The following IFT57 variants were observed in gnomAD, a reference collection of about 807,000 sequenced individuals.
The protein encoded by IFT57 is intraflagellar transport protein 57 homolog.
IFT57 carries 59 observed loss-of-function variants against 56.8 expected under a neutral mutation model. The observed-to-expected ratio is 1.04, with a 90% CI of 0.84 to 1.29. The LOEUF is 1.29. IFT57 is among the 50% of genes most tolerant of loss of function. The pLI, the probability that IFT57 is intolerant of heterozygous loss-of-function variation, is 0.00. For synonymous variants in IFT57, 209 were observed against 186.1 expected, an observed-to-expected ratio of 1.12 and a Z score of -1.00; for missense variants, 470 against 522.1, an observed-to-expected ratio of 0.90 and a Z score of 0.97.
chr3:108,170,478 C>T (rs1283245278), intron 6 of IFT57, among the ~76,000 whole-genome samples: 2 of 151,826 alleles, frequency 1.3e-5, no homozygotes, highest in East Asian at 3.9e-4. Flanking sequence ...AACTAAAAAC[C>T]ACTGCTCAAG....
At chr3:108,212,626 A>G (rs1194498061) in intron 4 of IFT57, among the ~76,000 whole-genome samples, 2 of 152,194 alleles carry the variant, frequency 1.3e-5, no homozygotes, top group Non-Finnish European at 1.5e-5. Flanking sequence ...ATTCCTTTAC[A>G]GCAACACAAA....
intron 4 of IFT57, among the ~76,000 whole-genome samples, chr3:108,213,505 A>G (rs906088775): frequency 6.6e-6 from 1 of 152,224 alleles, no homozygotes; most frequent in African/African-American, 2.4e-5. Flanking sequence ...ATTTAAAAGC[A>G]TTAAAAAATT....
At chr3:108,169,821 C>G (rs558902492) in intron 6 of IFT57, among the ~76,000 whole-genome samples, 1 of 152,038 alleles carries the variant, frequency 6.6e-6, no homozygotes, top group East Asian at 1.9e-4. Context: ...CAGTTTCAGC[C>G]CCAGGATGCA....
chr3:108,160,945 C>G lies in IFT57; in HGVS notation c.*1532G>C, dbSNP rs1485500511. 2 of 152,108 alleles carry G rather than the reference C, an allele frequency of 1.3e-5. No homozygotes were observed. The highest frequency in any genetic ancestry group is 2.4e-5 in the African/African-American group (1 of 41,422). 9.4% of individuals were successfully genotyped at this position (152,108 alleles called of 1,614,324 possible). ...AATAGGTGGCTTATACTACTCATTGCAAGAATTTTTAGATTTTTTACATGT... is the reference window on the plus strand; with the variant it reads ...AATAGGTGGCTTATACTACTCATTGGAAGAATTTTTAGATTTTTTACATGT... On this transcript the variant is annotated 3_prime_UTR_variant, in exon 11 of 11. Transcript: ENST00000264538.
chr3:108,180,728 T>C (rs1286525582), intron 6 of IFT57, among the ~76,000 whole-genome samples: 1 of 152,040 alleles, frequency 6.6e-6, no homozygotes, highest in African/African-American at 2.4e-5. Flanking sequence ...AGAACTACTC[T>C]AATATAATTG....
At chr3:108,164,780 A>C (rs2080051368) in intron 9 of IFT57, among the ~76,000 whole-genome samples, 1 of 152,098 alleles carries the variant, frequency 6.6e-6, no homozygotes, top group South Asian at 2.1e-4. Context: ...TCCTGTCAAA[A>C]CAGTAAAGTT....
chr3:108,167,221 A>G, intron 7 of IFT57: 1 of 413,302 alleles, frequency 2.4e-6, no homozygotes, highest in Non-Finnish European at 4.3e-6. Context: ...ATTTGTCATT[A>G]TACATACCAT....
At chr3:108,218,821 T>C (rs937573157) in intron 2 of IFT57, among the ~76,000 whole-genome samples, 168 bp from the exon 3 acceptor site, 3 of 152,146 alleles carry the variant, frequency 2.0e-5, no homozygotes, top group African/African-American at 7.2e-5. Flanking sequence ...TTGTAACCCA[T>C]TGATACATAA....
intron 6 of IFT57, among the ~76,000 whole-genome samples, chr3:108,180,183 C>T (rs1036908448): frequency 2.0e-5 from 3 of 151,964 alleles, no homozygotes; most frequent in Non-Finnish European, 2.9e-5. Flanking sequence ...CTAACACGCT[C>T]GAAGGCTATC....
chr3:108,187,882 T>C (rs1021022370), intron 6 of IFT57, among the ~76,000 whole-genome samples: 16 of 151,854 alleles, frequency 1.1e-4, no homozygotes, highest in African/African-American at 3.4e-4. Flanking sequence ...CTAGATGTCC[T>C]AGATAGCCTG....
At chr3:108,221,556 C>T (rs1453660899) in intron 1 of IFT57, among the ~76,000 whole-genome samples, 1 of 152,126 alleles carries the variant, frequency 6.6e-6, no homozygotes, top group Non-Finnish European at 1.5e-5. Context: ...GTCTTTTAAA[C>T]CATAGCAAGT....
At chr3:108,218,452 T>A in intron 3 of IFT57, 83 bp downstream of exon 3, 1 of 549,968 alleles carries the variant, frequency 1.8e-6, no homozygotes, top group East Asian at 3.1e-5. Flanking sequence ...ATAATTCTTT[T>A]ATGTTCAATT....
At chr3:108,221,957 C>T in intron 1 of IFT57, 154 bp downstream of exon 1, 4 of 1,428,758 alleles carry the variant, frequency 2.8e-6, no homozygotes, top group Non-Finnish European at 3.7e-6. Flanking sequence ...ACGGACCTCC[C>T]GGGAGTTTGG....
intron 6 of IFT57, among the ~76,000 whole-genome samples, chr3:108,189,490 A>G (rs1249655222): frequency 6.6e-6 from 1 of 152,188 alleles, no homozygotes; most frequent in African/African-American, 2.4e-5. Context: ...GGGGAAGCAG[A>G]CACAGGATCA....
chr3:108,191,576 A>T lies in IFT57; in HGVS notation c.722T>A (p.Leu241Gln). The T allele has an allele frequency of 6.2e-7, 1 of 1,609,808 alleles. No homozygotes were observed. The highest frequency in any genetic ancestry group is 8.5e-7 in the Non-Finnish European group (1 of 1,176,704). The part of the protein sequence containing the change: ...ESTTDAAEWS[L>Q]EVERVLPQLK... ...TTGCGGTAGTACACGTTCCACTTCT[A>T]GGCTCCATTCTGCAGCATCTGTTGT... The change falls in exon 6 of 11, where the codon CTA (leucine) becomes CAA (glutamine). Residue 241 changes from leucine (L) to glutamine (Q), a missense_variant. Transcript: ENST00000264538.
chr3:108,221,936 G>A, intron 1 of IFT57, 175 bp downstream of exon 1: 2 of 1,275,536 alleles, frequency 1.6e-6, no homozygotes, highest in Non-Finnish European at 2.1e-6. Flanking sequence ...AGTCAGGGCT[G>A]CGTGAGCTCC....
At chr3:108,197,892 C>T (rs555285690) in intron 5 of IFT57, among the ~76,000 whole-genome samples, 1 of 152,218 alleles carries the variant, frequency 6.6e-6, no homozygotes, top group Non-Finnish European at 1.5e-5. Flanking sequence ...AATAACAGCA[C>T]CTTCCTCATT....
intron 5 of IFT57, among the ~76,000 whole-genome samples, chr3:108,204,640 C>T (rs989469930): frequency 3.9e-5 from 6 of 152,142 alleles, no homozygotes; most frequent in African/African-American, 1.2e-4. Flanking sequence ...GAGGAGCACT[C>T]GGTCATCATC....
At chr3:108,218,781 C>T in intron 2 of IFT57, 128 bp from the exon 3 acceptor site, 1 of 491,098 alleles carries the variant, frequency 2.0e-6, no homozygotes, top group Non-Finnish European at 3.6e-6. Context: ...ACTGTAATTA[C>T]ACTGCTTCAT....
Sources: gnomAD v4.1 joint callset for allele counts (sites outside exome capture counted in the v4.1 genomes callset) on GRCh38, gnomAD v4.1.1 for gene constraint, MANE v1.5 for transcripts, NCBI Gene and HGNC (gene_info 2026-07-23, HGNC 2026-07-21) for gene names.